The following ATF6 variants were observed in gnomAD, a reference collection of about 807,000 sequenced individuals.
The protein encoded by ATF6 is cyclic AMP-dependent transcription factor ATF-6 alpha.
ATF6 carries 53 observed loss-of-function variants against 83.6 expected under a neutral mutation model. The ratio of observed to expected loss-of-function variants is 0.63; its 90% CI spans 0.51 to 0.80. The LOEUF (loss-of-function observed/expected upper bound fraction) is 0.80, where lower values mean the gene tolerates loss of function less well. Ranked by LOEUF, ATF6 falls within the 30% of genes least tolerant of loss-of-function variation. The pLI is 0.00. For missense variants in ATF6, 744 were observed against 797.9 expected (o/e 0.93, Z 0.81); for synonymous variants, 288 against 285.8 (o/e 1.01, Z -0.08).
At chr1:161,897,424 G>A (rs543505691) in intron 14 of ATF6, among the ~76,000 whole-genome samples, 324 of 152,218 alleles carry the variant, frequency 2.1e-3, no homozygotes, top group African/African-American at 7.4e-3. Context: ...GAAACAGAGC[G>A]AGACCCTGTC....
At chr1:161,895,708 A>G (rs1687657968) in intron 14 of ATF6, among the ~76,000 whole-genome samples, 1 of 152,190 alleles carries the variant, frequency 6.6e-6, no homozygotes, top group Non-Finnish European at 1.5e-5. Flanking sequence ...GGGCTTCATA[A>G]TAGCTTTAGC....
intron 9 of ATF6, among the ~76,000 whole-genome samples, chr1:161,839,186 T>C (rs1686295328): frequency 6.6e-6 from 1 of 152,266 alleles, no homozygotes; most frequent in African/African-American, 2.4e-5. Context: ...GAAAAAGGAA[T>C]ACCTCTTATG....
At chr1:161,858,857 G>A (rs1164560369) in intron 12 of ATF6, among the ~76,000 whole-genome samples, 1 of 152,132 alleles carries the variant, frequency 6.6e-6, no homozygotes, top group Non-Finnish European at 1.5e-5. Flanking sequence ...TGATATCTCT[G>A]TAACTTGGCT....
chr1:161,819,550 T>C (rs1685699163), intron 7 of ATF6, 83 bp from the exon 8 acceptor site: 10 of 1,153,174 alleles, frequency 8.7e-6, no homozygotes, highest in Non-Finnish European at 1.1e-5. Flanking sequence ...TTGGTTAAAA[T>C]AATTGTAAAA....
At chr1:161,836,039 T>C (rs1686204508) in intron 9 of ATF6, among the ~76,000 whole-genome samples, 1 of 152,202 alleles carries the variant, frequency 6.6e-6, no homozygotes, top group Admixed American at 6.5e-5. Context: ...GGGTAAATCA[T>C]GCTACTAGTG....
intron 9 of ATF6, among the ~76,000 whole-genome samples, chr1:161,824,386 T>TAAAA (rs72265058): frequency 7.1e-6 from 1 of 140,268 alleles, no homozygotes. Context: ...TGGTCAAAAT[T>TAAAA]AAAAAAAAAA....
intron 9 of ATF6, among the ~76,000 whole-genome samples, chr1:161,833,418 G>A (rs913460129): frequency 2.0e-5 from 3 of 152,158 alleles, no homozygotes; most frequent in Non-Finnish European, 4.4e-5. Flanking sequence ...TGACTTTGAC[G>A]AGTTGAGAGA....
At chr1:161,778,134 G>T in intron 1 of ATF6, 110 bp from the exon 2 acceptor site, 1 of 723,690 alleles carries the variant, frequency 1.4e-6, no homozygotes, top group South Asian at 1.9e-5. Flanking sequence ...ATCAATAATA[G>T]TAATGGCTAA....
intron 14 of ATF6, among the ~76,000 whole-genome samples, chr1:161,872,774 A>T (rs1687146246): frequency 6.6e-6 from 1 of 151,558 alleles, no homozygotes; most frequent in Non-Finnish European, 1.5e-5. Context: ...CAGAAAAGAG[A>T]TAGAAGAGAA....
At chr1:161,955,481 C>T (rs1005897727) in intron 15 of ATF6, among the ~76,000 whole-genome samples, 2 of 152,176 alleles carry the variant, frequency 1.3e-5, no homozygotes, top group Non-Finnish European at 1.5e-5. Context: ...CCCAGCCACC[C>T]AGGGGAGGGA....
intron 14 of ATF6, among the ~76,000 whole-genome samples, chr1:161,865,836 G>C (rs1686985579): frequency 6.6e-6 from 1 of 152,022 alleles, no homozygotes; most frequent in Non-Finnish European, 1.5e-5. Context: ...TCAATAGTAG[G>C]GAAAAGGAAG....
chr1:161,937,885 A>G (rs1231334436), intron 15 of ATF6, among the ~76,000 whole-genome samples: 1 of 84,064 alleles, frequency 1.2e-5, no homozygotes, highest in Admixed American at 9.8e-5. Flanking sequence ...AACTGAAAAG[A>G]TAATAAAAAA....
chr1:161,799,373 A>C (rs1234939101), intron 6 of ATF6, among the ~76,000 whole-genome samples: 2 of 152,130 alleles, frequency 1.3e-5, no homozygotes, highest in Non-Finnish European at 2.9e-5. Context: ...AGTGGGAGTT[A>C]TACATTGAGT....
rs1687756655 is a variant in ATF6, at chr1:161,900,304, T to C, written c.1720-11992T>C. On this transcript the variant is annotated intron_variant, in intron 14 of 15. Transcript: ENST00000367942. ...GCTATCATAAAACTGGTTTCCTTTA[T>C]GTCATTTCGCTTAAAGAATTTATGG... 2.6e-5 allele frequency among the ~76,000 whole-genome samples: 4 copies of C among 152,156 alleles called. No individual in the cohort carries two copies. The South Asian group carries it at 8.3e-4, about 32-fold the overall frequency.
At chr1:161,938,277 G>A (rs1044454379) in intron 15 of ATF6, among the ~76,000 whole-genome samples, 2 of 152,088 alleles carry the variant, frequency 1.3e-5, no homozygotes, top group South Asian at 4.1e-4. Context: ...GGGCTCTTTT[G>A]GCTAGTGTCA....
At chr1:161,793,090 T>G (rs1223340345) in intron 6 of ATF6, among the ~76,000 whole-genome samples, 4 of 152,204 alleles carry the variant, frequency 2.6e-5, no homozygotes, top group Admixed American at 2.6e-4. Flanking sequence ...GATAATGGGG[T>G]ATGGGTTGTA....
At chr1:161,827,655 A>T (rs947929725) in intron 9 of ATF6, among the ~76,000 whole-genome samples, 3 of 151,946 alleles carry the variant, frequency 2.0e-5, no homozygotes, top group African/African-American at 4.8e-5. Flanking sequence ...AATGAAAAAA[A>T]AAAAATAAAA....
At chr1:161,819,889 T>C (rs1685709567) in intron 8 of ATF6, 71 bp downstream of exon 8, 1 of 1,313,850 alleles carries the variant, frequency 7.6e-7, no homozygotes, top group Non-Finnish European at 1.0e-6. Flanking sequence ...AGAGAAACTT[T>C]TACATTTTAA....
intron 9 of ATF6, among the ~76,000 whole-genome samples, chr1:161,844,757 A>G (rs189504143): frequency 6.6e-6 from 1 of 152,220 alleles, no homozygotes; most frequent in African/African-American, 2.4e-5. Flanking sequence ...GAAGAAATAA[A>G]ATTTCTTAGT....
Sources: allele counts gnomAD v4.1 joint callset (sites outside exome capture counted in the v4.1 genomes callset), GRCh38; gene constraint gnomAD v4.1.1; transcripts MANE v1.5; gene names NCBI Gene and HGNC (gene_info 2026-07-23, HGNC 2026-07-21).